The following CCDC13 variants were observed in gnomAD, a reference collection of about 807,000 sequenced individuals.
CCDC13 encodes the protein coiled-coil domain-containing protein 13.
A neutral mutation model predicts 87.3 loss-of-function variants in CCDC13; 70 were observed. The ratio of observed to expected loss-of-function variants is 0.80; its 90% CI spans 0.66 to 0.98. The LOEUF (loss-of-function observed/expected upper bound fraction) is 0.98. Ranked by LOEUF, CCDC13 falls within the 50% of genes least tolerant of loss-of-function variation. CCDC13 has a pLI of 0.00. For synonymous variants in CCDC13, 317 were observed against 360.3 expected, an observed-to-expected ratio of 0.88 and a Z score of 1.36; for missense variants, 842 against 892.0, an observed-to-expected ratio of 0.94 and a Z score of 0.71.
At chr3:42,734,054 G>C (rs1348247315) in intron 10 of CCDC13, among the ~76,000 whole-genome samples, 2 of 152,190 alleles carry the variant, frequency 1.3e-5, no homozygotes, top group African/African-American at 4.8e-5. Context: ...CAGGGACTCA[G>C]TGAGGGCAGG....
rs1004045747 is a variant in CCDC13 at position 42,707,621 on chromosome 3, G to T, written c.*1359C>A. On this transcript the variant is annotated 3_prime_UTR_variant, in exon 16 of 16. Coordinates refer to ENST00000310232, the MANE Select transcript of CCDC13 (RefSeq NM_144719.4). The stretch of plus-strand genomic sequence containing the variant: ...GGAAGGGGGTGTTTTCACAGTATGT[G>T]CACCTGCATTTGTGCATCACTGCAC... Among the ~76,000 whole-genome samples, 6 of 152,202 alleles carry T rather than the reference G, an allele frequency of 3.9e-5. No individual in the cohort carries two copies. Among genetic ancestry groups the T allele is most frequent in the African/African-American group, 1.2e-4 (5 of 41,456 alleles).
At chr3:42,705,634 G>A (rs971151693), downstream of CCDC13, among the ~76,000 whole-genome samples, 9 of 152,178 alleles carry the variant, frequency 5.9e-5, no homozygotes, top group African/African-American at 2.2e-4. Context: ...TCGTGGATCT[G>A]GCCAGGGCCC....
At chr3:42,755,930 C>A (rs1699694925) in intron 3 of CCDC13, among the ~76,000 whole-genome samples, 1 of 152,072 alleles carries the variant, frequency 6.6e-6, no homozygotes, top group African/African-American at 2.4e-5. Context: ...GTGGCCCCTT[C>A]CACAGCTGAA....
At chr3:42,768,533 C>T (rs1198584974) in intron 1 of CCDC13, among the ~76,000 whole-genome samples, 2 of 151,580 alleles carry the variant, frequency 1.3e-5, no homozygotes, top group Admixed American at 6.6e-5. Flanking sequence ...CCTGTCTCTA[C>T]TGAAAATAAA....
At chr3:42,747,065 C>A in intron 6 of CCDC13, 192 bp downstream of exon 6, 1 of 703,400 alleles carries the variant, frequency 1.4e-6, no homozygotes, top group Non-Finnish European at 2.6e-6. Flanking sequence ...GCCAGCGACT[C>A]TGCCCACCAA....
chr3:42,769,780 G>A (rs1700017648), intron 1 of CCDC13, among the ~76,000 whole-genome samples: 2 of 152,278 alleles, frequency 1.3e-5, no homozygotes, highest in South Asian at 4.1e-4. Flanking sequence ...CTGGGTGGGT[G>A]TGGGCTCCGC....
In CCDC13 at chr3:42,709,054, A is replaced by G; in HGVS notation, c.2074T>C (p.Tyr692His). The G allele has an allele frequency of 6.2e-7, 1 of 1,614,114 alleles. No homozygotes were observed. Among genetic ancestry groups the G allele is most frequent in the Non-Finnish European group, 8.5e-7 (1 of 1,179,964 alleles). ...TTCACCTGGCCCAGGATCTCATGGT[A>G]CATCCGGAAGTCCTCCTCCTTTCCC... ...LRGKEEDFRMYHEILGQVKSV... is the reference protein window; with the variant it reads ...LRGKEEDFRMHHEILGQVKSV... The change falls in exon 16 of 16, where the codon TAC (tyrosine) becomes CAC (histidine). Residue 692 changes from tyrosine (Y) to histidine (H), a missense_variant. By Grantham distance (83) the Tyr-to-His change is moderately conservative. Transcript: ENST00000310232.
chr3:42,763,238 G>A (rs1331664007), intron 1 of CCDC13, among the ~76,000 whole-genome samples: 1 of 152,208 alleles, frequency 6.6e-6, no homozygotes, highest in Non-Finnish European at 1.5e-5. Context: ...TGGTACAAGA[G>A]TAGATTGCAG....
intron 13 of CCDC13, among the ~76,000 whole-genome samples, chr3:42,726,717 C>T (rs1015977604): frequency 3.0e-4 from 44 of 146,256 alleles, no homozygotes; most frequent in African/African-American, 1.0e-3. Flanking sequence ...CACATATTTA[C>T]ATGTATATAT....
At position 42,725,647 on chromosome 3, in the gene CCDC13, C is replaced by T. The variant is rs183781549; in HGVS notation, c.1718+4820G>A. ...AAATGGGGAGGAGGGGAGGAAGCAC[C>T]AATCATGTGAAACTGAAACACAAGG... is the stretch of plus-strand genomic sequence containing the variant. On this transcript the variant is annotated intron_variant, in intron 13 of 15. Transcript: ENST00000310232. 1.5e-3 allele frequency among the ~76,000 whole-genome samples: 224 copies of T among 151,946 alleles called. 1 individual carries two copies. Among genetic ancestry groups the T allele is most frequent in the African/African-American group, 5.3e-3 (220 of 41,434 alleles).
At chr3:42,763,302 G>C (rs1699871290) in intron 1 of CCDC13, among the ~76,000 whole-genome samples, 1 of 152,124 alleles carries the variant, frequency 6.6e-6, no homozygotes, top group African/African-American at 2.4e-5. Context: ...GAAACCTTTA[G>C]GCTGAACTTA....
chr3:42,726,293 C>T (rs770484872), intron 13 of CCDC13, among the ~76,000 whole-genome samples: 21 of 152,134 alleles, frequency 1.4e-4, no homozygotes, highest in Non-Finnish European at 2.1e-4. Flanking sequence ...TCACCCACCT[C>T]GGCCTCCCAA....
At chr3:42,725,822 A>G (rs1240611064) in intron 13 of CCDC13, among the ~76,000 whole-genome samples, 1 of 152,154 alleles carries the variant, frequency 6.6e-6, no homozygotes, top group African/African-American at 2.4e-5. Context: ...ACAAGGAAAA[A>G]AGCCCCACTG....
At chr3:42,718,023 C>T (rs1343555206) in intron 13 of CCDC13, 1 of 152,182 alleles carries the variant, frequency 6.6e-6, no homozygotes, top group Non-Finnish European at 1.5e-5. Context: ...GTTGTTCTCT[C>T]CAAAGCACAG....
downstream of CCDC13, among the ~76,000 whole-genome samples, chr3:42,705,690 A>T (rs1416083813): frequency 1.3e-5 from 2 of 152,194 alleles, no homozygotes; most frequent in East Asian, 3.9e-4. Context: ...CCTGAGGGAC[A>T]GGGAGGTCAT....
Position 42,752,689 on chromosome 3 carries a change from G to A in CCDC13, c.399C>T (p.Val133=), listed in dbSNP as rs148516489. 1.1e-5 allele frequency: 17 copies of A among 1,613,952 alleles called. No individual in the cohort carries two copies. The highest frequency in any genetic ancestry group is 4.0e-5 in the African/African-American group (3 of 74,892). ...TGTAGVAGDV[V]ATKIVELSKK... ...TTGATAGCTCCACAATTTTGGTGGC[G>A]ACCACGTCTCCGGCTACACCGGCTG... The change falls in exon 4 of 16, where the codon GTC becomes GTT. Residue 133 remains valine, a synonymous_variant. Transcript: ENST00000310232.
At chr3:42,714,457 T>A (rs1378699747) in intron 13 of CCDC13, among the ~76,000 whole-genome samples, 2 of 152,240 alleles carry the variant, frequency 1.3e-5, no homozygotes, top group Non-Finnish European at 1.5e-5. Flanking sequence ...ATCTTAAGCT[T>A]ATTGTTTTGT....
At chr3:42,763,347 G>A (rs1256304092) in intron 1 of CCDC13, among the ~76,000 whole-genome samples, 1 of 152,164 alleles carries the variant, frequency 6.6e-6, no homozygotes, top group East Asian at 1.9e-4. Flanking sequence ...GCTACAGTTA[G>A]TTTAACACAT....
At position 42,733,569 on chromosome 3, in the gene CCDC13, C is replaced by A. The variant is rs199503570; in HGVS notation, c.1412G>T (p.Arg471Leu). The part of the protein sequence containing the change: ...NKGVGEGSSG[R>L]EVSPAYTQFL... ...CTGGGTATAGGCAGGGCTGACCTCG[C>A]GGCCACTGGACCCCTCACCCACTCC... Residue 471 changes from arginine (R) to leucine (L), a missense_variant, in exon 11 of 16, where the codon CGC becomes CTC. Coordinates refer to ENST00000310232, the MANE Select transcript of CCDC13 (RefSeq NM_144719.4). 5 of 1,613,232 alleles carry A rather than the reference C, an allele frequency of 3.1e-6. No homozygotes were observed. Among genetic ancestry groups the A allele is most frequent in the East Asian group, 2.2e-5 (1 of 44,848 alleles).
Sources: allele counts gnomAD v4.1 joint callset (sites outside exome capture counted in the v4.1 genomes callset), GRCh38; gene constraint gnomAD v4.1.1; transcripts MANE v1.5; gene names NCBI Gene and HGNC (gene_info 2026-07-23, HGNC 2026-07-21).